GCSAML: variants seen among roughly 807,000 people sequenced by gnomAD.
GCSAML encodes the protein germinal center associated signaling and motility like.
GCSAML carries 9 observed loss-of-function variants against 13.0 expected under a neutral mutation model. That is an observed-to-expected ratio of 0.69 (90% CI 0.42 to 1.21). GCSAML has a LOEUF of 1.21. GCSAML is among the 50% of genes most tolerant of loss of function. The pLI is 0.00. For synonymous variants in GCSAML, 37 were observed against 52.9 expected (o/e 0.70, Z 1.31); for missense variants, 143 against 153.4 (o/e 0.93, Z 0.36).
At chr1:247,548,233 C>T (rs1166484269), upstream of GCSAML, among the ~76,000 whole-genome samples, 1 of 152,232 alleles carries the variant, frequency 6.6e-6, no homozygotes, top group Non-Finnish European at 1.5e-5. The surrounding 1 kb of genome is among the most constrained non-coding windows in gnomAD (Gnocchi z 5.3). Flanking sequence ...TTTCAGTCTC[C>T]TGACAGCCAC....
intron 4 of GCSAML, among the ~76,000 whole-genome samples, chr1:247,567,305 G>T (rs898247691): frequency 2.6e-5 from 4 of 151,754 alleles, no homozygotes; most frequent in Admixed American, 1.3e-4. Context: ...TTAGGTATTT[G>T]TTCTAATGCT....
At chr1:247,511,871 G>C (rs1367779975) in intron 1 of GCSAML, among the ~76,000 whole-genome samples, 2 of 152,210 alleles carry the variant, frequency 1.3e-5, no homozygotes, top group Non-Finnish European at 2.9e-5. Flanking sequence ...TCTGCAGAGA[G>C]GTCCGCTGTT....
chr1:247,574,070 G>A, intron 4 of GCSAML, 73 bp from the exon 5 acceptor site: 1 of 1,545,102 alleles, frequency 6.5e-7, no homozygotes, highest in Non-Finnish European at 8.8e-7. Context: ...AAAGAAGAAG[G>A]GAAGGTAGTA....
chr1:247,537,173 A>G (rs1300150907), intron 2 of GCSAML, among the ~76,000 whole-genome samples: 1 of 152,152 alleles, frequency 6.6e-6, no homozygotes, highest in East Asian at 1.9e-4. Flanking sequence ...TGCTTTCTCT[A>G]TGTATGGATT....
In GCSAML at chr1:247,515,786, A is replaced by G. The variant is rs563454890; in HGVS notation, c.-263+8553A>G. ...AGCAAGGAAGCAATCTGCCCTCATG[A>G]TCCAGTCACCTCCCACTAGGCCCCT... On this transcript the variant is annotated intron_variant, in intron 1 of 5. Transcript: ENST00000366489. Among the ~76,000 whole-genome samples the G allele has an allele frequency of 9.2e-5, 14 of 152,234 alleles. No individual in the cohort carries two copies. The East Asian group carries it at 2.7e-3, about 29-fold the overall frequency.
In GCSAML at chr1:247,538,018, T is replaced by G. The variant is rs79166443; in HGVS notation, c.-148+10964T>G. On this transcript the variant is annotated intron_variant, in intron 2 of 5. Transcript: ENST00000366489. ...GATGAAGACTAATTTATCTATTTTT[T>G]TTGTTGTTGTTTTTGGTTTTCATGT... 9.5e-3 allele frequency among the ~76,000 whole-genome samples: 1,440 copies of G among 152,304 alleles called. 28 individuals carry two copies. The highest frequency in any genetic ancestry group is 0.033 in the African/African-American group (1,360 of 41,554).
At position 247,556,455 on chromosome 1, in the gene GCSAML, G is replaced by A; in HGVS notation, c.78G>A (p.Glu26=). 5.0e-6 allele frequency: 8 copies of A among 1,610,558 alleles called. No individual in the cohort carries two copies. The highest frequency in any genetic ancestry group is 2.7e-5 in the African/African-American group (2 of 74,910). ...AGCCCAAGAAAGGAAACCCAGATGA[G>A]GAAAGAAAACGGTAAGAACAGAGCA... The part of the protein sequence containing the change: ...QKKPKKGNPD[E]ERKRQEMTTF... Residue 26 remains glutamate, a synonymous_variant, in exon 2 of 5, where the codon GAG becomes GAA. Coordinates refer to ENST00000366488, the MANE Select transcript of GCSAML (RefSeq NM_145278.5).
At chr1:247,515,972 G>T (rs1309333363) in intron 1 of GCSAML, among the ~76,000 whole-genome samples, 2 of 152,166 alleles carry the variant, frequency 1.3e-5, no homozygotes, top group South Asian at 2.1e-4. Flanking sequence ...GTTGGTTGAG[G>T]GGGGAGGAGA....
At chr1:247,546,059 C>T (rs368398202), upstream of GCSAML, among the ~76,000 whole-genome samples, 1 of 152,100 alleles carries the variant, frequency 6.6e-6, no homozygotes, top group East Asian at 1.9e-4. Flanking sequence ...ACGCATATGT[C>T]CAAACTCATC....
At chr1:247,532,667 G>C (rs149420965) in intron 2 of GCSAML, 1 of 732,168 alleles carries the variant, frequency 1.4e-6, no homozygotes, top group Admixed American at 3.0e-5. Context: ...TCACTGTGTT[G>C]CCCGGGCTAA....
rs919582861 is a variant in GCSAML, at chr1:247,526,728, C to T, written c.-262-212C>T. On this transcript the variant is annotated intron_variant, in intron 1 of 5. Transcript: ENST00000366489. The surrounding 1 kb of genome is among the most constrained non-coding windows in gnomAD (Gnocchi z 4.8). ...TCCAGGTTTTCTGTCCTGTGAGAAG[C>T]CATCAAAGCCTATGGTTGCTGCAAG... 3 of 355,108 alleles carry T rather than the reference C, an allele frequency of 8.4e-6. No homozygotes were observed. The highest frequency in any genetic ancestry group is 6.4e-5 in the African/African-American group (3 of 46,624). The allele number at this position is 355,108 out of a possible 1,614,324, so 22.0% of individuals were successfully genotyped here.
At chr1:247,568,611 T>C (rs1418998135) in intron 4 of GCSAML, among the ~76,000 whole-genome samples, 1 of 152,224 alleles carries the variant, frequency 6.6e-6, no homozygotes, top group Non-Finnish European at 1.5e-5. Context: ...GGTAGCGTGA[T>C]GCCTCCAGCT....
intron 1 of GCSAML, among the ~76,000 whole-genome samples, chr1:247,521,723 C>T (rs946499390): frequency 3.9e-5 from 6 of 152,236 alleles, no homozygotes; most frequent in African/African-American, 1.2e-4. Flanking sequence ...ATGATCTCAG[C>T]TCGCTACAAC....
chr1:247,510,921 G>A (rs1050753509), intron 1 of GCSAML, among the ~76,000 whole-genome samples: 1 of 152,146 alleles, frequency 6.6e-6, no homozygotes, highest in Admixed American at 6.5e-5. Flanking sequence ...TTCCAATTAT[G>A]TGGTCAATTT....
At chr1:247,523,307 A>T (rs1342223767) in intron 1 of GCSAML, among the ~76,000 whole-genome samples, 3 of 152,266 alleles carry the variant, frequency 2.0e-5, no homozygotes, top group African/African-American at 7.2e-5. Context: ...ATATATAGAC[A>T]GGAATAATTC....
At chr1:247,522,016 C>G (rs1666452797) in intron 1 of GCSAML, among the ~76,000 whole-genome samples, 3 of 151,842 alleles carry the variant, frequency 2.0e-5, no homozygotes, top group Admixed American at 2.0e-4. Context: ...GTGAGGAGCG[C>G]CTCTGCCCGG....
At chr1:247,515,338 G>A (rs771758008) in intron 1 of GCSAML, among the ~76,000 whole-genome samples, 46 of 152,200 alleles carry the variant, frequency 3.0e-4, no homozygotes, top group Admixed American at 9.8e-4. Context: ...TTGAGACATT[G>A]TTGCACTGCA....
Position 247,530,767 on chromosome 1 carries a change from T to G in GCSAML, c.-148+3713T>G, listed in dbSNP as rs377599182. ...CAGGACTAGGTAGGTCTCGCCCAAC[T>G]GCGACAGAGCGGTCGCCCAGGACGT... On this transcript the variant is annotated intron_variant, in intron 2 of 5. Transcript: ENST00000366489. The G allele has an allele frequency of 8.5e-3, 435 of 51,232 alleles. 3 individuals are homozygous for G. Among genetic ancestry groups the G allele is most frequent in the African/African-American group, 0.025 (419 of 16,512 alleles). The allele number at this position is 51,232 out of a possible 1,614,324, so 3.2% of individuals were successfully genotyped here.
chr1:247,567,848 T>C lies in GCSAML; in HGVS notation c.168+1889T>C, dbSNP rs1347289190. On this transcript the variant is annotated intron_variant, in intron 4 of 4. Transcript: ENST00000366488. ...ATCCTCTCCAGCATCTGTTGTTTCC[T>C]GATTTTTAATGATCACCATTCTAAC... Among the ~76,000 whole-genome samples the C allele has an allele frequency of 3.3e-5, 5 of 152,226 alleles. No individual in the cohort carries two copies. In the East Asian group the frequency reaches 7.7e-4, roughly 23 times the overall value.
Sources: gnomAD v4.1 joint callset for allele counts (sites outside exome capture counted in the v4.1 genomes callset) on GRCh38, gnomAD v4.1.1 for gene constraint, Gnocchi (gnomAD v3.1) non-coding constraint, MANE v1.5 for transcripts, NCBI Gene and HGNC (gene_info 2026-07-23, HGNC 2026-07-21) for gene names.